Variants in YIPF4 observed in about 807,000 individuals in gnomAD.
YIPF4 encodes protein YIPF4.
YIPF4 carries 18 observed loss-of-function variants against 29.4 expected under a neutral mutation model. The observed-to-expected ratio is 0.61, with a 90% CI of 0.42 to 0.91. YIPF4 has a LOEUF of 0.91. Among genes scored for constraint, YIPF4 ranks in the 40% least tolerant of loss-of-function variants. YIPF4 has a pLI of 0.00. For missense variants in YIPF4, 279 were observed against 282.7 expected, an observed-to-expected ratio of 0.99 and a Z score of 0.09; for synonymous variants, 115 against 104.7, an observed-to-expected ratio of 1.10 and a Z score of -0.60.
intron 1 of YIPF4, among the ~76,000 whole-genome samples, chr2:32,288,298 A>G (rs577795702): frequency 2.6e-5 from 4 of 152,322 alleles, no homozygotes; most frequent in Admixed American, 2.6e-4. Context: ...CATCTGCGCT[A>G]TGACAAACTG....
At chr2:32,280,560 T>G (rs2030357204) in intron 1 of YIPF4, among the ~76,000 whole-genome samples, 1 of 151,888 alleles carries the variant, frequency 6.6e-6, no homozygotes. Context: ...TTTTTTGTAT[T>G]TTTAGTAGAG....
Position 32,311,029 on chromosome 2 carries a change from CA to C in YIPF4, c.*5404del, listed in dbSNP as rs1362569714. ...GTAAATCCCTAAATTACAACTTTGA[CA>C]TCAAAAAAGCTAGACATTCCTACAT... On this transcript the variant is annotated 3_prime_UTR_variant, in exon 6 of 6. Coordinates refer to ENST00000238831, the MANE Select transcript of YIPF4 (RefSeq NM_032312.4). 1 of 152,104 alleles carries C rather than the reference CA, an allele frequency of 6.6e-6. No individual in the cohort carries two copies. Among genetic ancestry groups the C allele is most frequent in the Non-Finnish European group, 1.5e-5 (1 of 68,028 alleles). 9.4% of individuals were successfully genotyped at this position (152,104 alleles called of 1,614,324 possible).
At position 32,305,980 on chromosome 2, in the gene YIPF4, G is replaced by C. The variant is rs1032442539; in HGVS notation, c.*354G>C. 1.0e-6 allele frequency: 1 copy of C among 987,530 alleles called. No individual in the cohort carries two copies. The highest frequency in any genetic ancestry group is 1.2e-6 in the Non-Finnish European group (1 of 831,374). The allele number at this position is 987,530 out of a possible 1,614,324, so 61.2% of individuals were successfully genotyped here. On this transcript the variant is annotated 3_prime_UTR_variant, in exon 6 of 6. Transcript: ENST00000238831. ...TAAAGGGTAAATTTGACAATATCTT[G>C]ATAATCAAAAGTGCAATTTTTTTCT...
At chr2:32,283,800 C>T (rs1053736496) in intron 1 of YIPF4, among the ~76,000 whole-genome samples, 2 of 151,860 alleles carry the variant, frequency 1.3e-5, no homozygotes, top group Non-Finnish European at 1.5e-5. Context: ...TCATTGCAAC[C>T]TCTGCCTCCC....
intron 1 of YIPF4, among the ~76,000 whole-genome samples, chr2:32,285,445 C>A (rs866358801): frequency 6.6e-6 from 1 of 151,902 alleles, no homozygotes; most frequent in Non-Finnish European, 1.5e-5. Context: ...TCTTTTTATC[C>A]CTATATAAAA....
At chr2:32,289,114 A>G (rs1289688991) in intron 1 of YIPF4, among the ~76,000 whole-genome samples, 1 of 152,218 alleles carries the variant, frequency 6.6e-6, no homozygotes, top group Non-Finnish European at 1.5e-5. Flanking sequence ...TACAGGGATT[A>G]TTTTTGAACT....
intron 1 of YIPF4, among the ~76,000 whole-genome samples, chr2:32,279,504 T>C (rs1314179588): frequency 6.8e-6 from 1 of 147,164 alleles, no homozygotes; most frequent in African/African-American, 2.5e-5. Context: ...TTCACGCCAT[T>C]CTCTGGCCTC....
At chr2:32,280,295 T>C (rs1473014567) in intron 1 of YIPF4, among the ~76,000 whole-genome samples, 1 of 150,866 alleles carries the variant, frequency 6.6e-6, no homozygotes, top group African/African-American at 2.4e-5. Context: ...ACCCAGCTAA[T>C]TTTTTTGTAT....
intron 3 of YIPF4, among the ~76,000 whole-genome samples, chr2:32,296,769 A>T (rs2031203468): frequency 6.6e-6 from 1 of 152,216 alleles, no homozygotes; most frequent in Admixed American, 6.5e-5. Context: ...TAAATAGCTT[A>T]TGGAGGTACT....
chr2:32,281,714 C>T (rs188566646), intron 1 of YIPF4, among the ~76,000 whole-genome samples: 21 of 151,856 alleles, frequency 1.4e-4, no homozygotes, highest in African/African-American at 4.8e-4. Context: ...ATGGCAAAAC[C>T]CCATCTCTAC....
At chr2:32,294,848 C>G (rs1442030226) in intron 3 of YIPF4, among the ~76,000 whole-genome samples, 1 of 152,226 alleles carries the variant, frequency 6.6e-6, no homozygotes, top group Non-Finnish European at 1.5e-5. Context: ...GCGGATCACT[C>G]GTGGTTAGGA....
In YIPF4 at chr2:32,278,093, C is replaced by T. The variant is rs993076033; in HGVS notation, c.-63C>T. The stretch of plus-strand genomic sequence containing the variant: ...CGAGCGTGCGGGTCGCCGCCGCGGC[C>T]GCCTCGGGGTCTGGGCCCAGCCGCA... On this transcript the variant is annotated 5_prime_UTR_variant, in exon 1 of 6. Transcript: ENST00000238831. 3 of 1,438,990 alleles carry T rather than the reference C, an allele frequency of 2.1e-6. No homozygotes were observed. The highest frequency in any genetic ancestry group is 2.8e-6 in the Non-Finnish European group (3 of 1,073,894). The allele number at this position is 1,438,990 out of a possible 1,614,324, so 89.1% of individuals were successfully genotyped here.
Position 32,277,934 on chromosome 2 carries a change from C to A in YIPF4, c.-222C>A. ...TGTTATGGTCCTGTCAGGGTGCCGG[C>A]GTCGTGGTGCTTGGGTGGTCGCCAC... On this transcript the variant is annotated 5_prime_UTR_variant, in exon 1 of 6. Transcript: ENST00000238831. The A allele has an allele frequency of 1.9e-6, 1 of 525,680 alleles. No homozygotes were observed. The highest frequency in any genetic ancestry group is 3.3e-6 in the Non-Finnish European group (1 of 299,234). 32.6% of individuals were successfully genotyped at this position (525,680 alleles called of 1,614,324 possible). A position where few individuals can be genotyped will look rare whatever the true frequency, so the allele number is the denominator to read the frequency against.
At chr2:32,283,402 C>T (rs1215647141) in intron 1 of YIPF4, among the ~76,000 whole-genome samples, 1 of 152,132 alleles carries the variant, frequency 6.6e-6, no homozygotes, top group African/African-American at 2.4e-5. Flanking sequence ...GTCCAAATCC[C>T]TCATTCTTAA....
intron 3 of YIPF4, among the ~76,000 whole-genome samples, chr2:32,293,578 C>T (rs917997091): frequency 2.0e-4 from 31 of 152,340 alleles, no homozygotes; most frequent in South Asian, 1.2e-3. Flanking sequence ...CCATTGTCAT[C>T]GTGGCCCGTT....
rs956107055 is a variant in YIPF4, at chr2:32,305,767, A to G, written c.*141A>G. The G allele has an allele frequency of 3.5e-5, 44 of 1,251,698 alleles. No homozygotes were observed. Among genetic ancestry groups the G allele is most frequent in the Non-Finnish European group, 4.3e-5 (43 of 999,200 alleles). 77.5% of individuals were successfully genotyped at this position (1,251,698 alleles called of 1,614,324 possible). A position where few individuals can be genotyped will look rare whatever the true frequency, so the allele number is the denominator to read the frequency against. On this transcript the variant is annotated 3_prime_UTR_variant, in exon 6 of 6. Coordinates refer to ENST00000238831, the MANE Select transcript of YIPF4 (RefSeq NM_032312.4). Reference sequence around the variant, plus strand: ...AAAGGGAAGTCTAAGCGCTTTTTAAAACAATTTTTTTTTGTATTTAATTAA... The same window carrying G: ...AAAGGGAAGTCTAAGCGCTTTTTAAGACAATTTTTTTTTGTATTTAATTAA...
At chr2:32,301,526 A>C (rs2031405730) in intron 5 of YIPF4, 31 bp downstream of exon 5, 7 of 1,470,358 alleles carry the variant, frequency 4.8e-6, no homozygotes, top group Non-Finnish European at 6.6e-6. Context: ...TACATAGTTT[A>C]CTGTTTTCCA....
Position 32,304,460 on chromosome 2 carries a change from C to G in YIPF4, c.598-1029C>G, listed in dbSNP as rs1477534967. The stretch of plus-strand genomic sequence containing the variant: ...CAACAAACCCAGTGGAAAGATGGAC[C>G]AGACCAAATACATTTTTAATAAGTT... On this transcript the variant is annotated intron_variant, in intron 5 of 5. Transcript: ENST00000238831. 2.0e-5 allele frequency among the ~76,000 whole-genome samples: 3 copies of G among 151,454 alleles called. No homozygotes were observed. The East Asian group carries it at 5.8e-4, about 29-fold the overall frequency.
Position 32,301,380 on chromosome 2 carries a change from A to G in YIPF4, c.484-2A>G. ...TTTATTTGAAATTTTCAAAATTCAC[A>G]GGTTGCATATGGCCAAGTCCTTGGA... On this transcript the variant is annotated splice_acceptor_variant, in intron 4 of 5. Coordinates refer to ENST00000238831, the MANE Select transcript of YIPF4 (RefSeq NM_032312.4). LOFTEE classifies it high-confidence loss of function. The G allele has an allele frequency of 1.3e-6, 2 of 1,575,842 alleles. No homozygotes were observed. The highest frequency in any genetic ancestry group is 1.7e-6 in the Non-Finnish European group (2 of 1,156,964).
Sources: allele counts gnomAD v4.1 joint callset (sites outside exome capture counted in the v4.1 genomes callset), GRCh38; gene constraint gnomAD v4.1.1; transcripts MANE v1.5; gene names NCBI Gene and HGNC (gene_info 2026-07-23, HGNC 2026-07-21).